USP12: variants seen among roughly 807,000 people sequenced by gnomAD.
USP12 encodes ubiquitin carboxyl-terminal hydrolase 12.
In USP12, 19 loss-of-function variants were observed where a neutral mutation model predicts 45.5. The observed-to-expected ratio is 0.42, with a 90% CI of 0.29 to 0.61. The LOEUF is 0.61. Among genes scored for constraint, USP12 ranks in the 20% least tolerant of loss-of-function variants. USP12 has a pLI of 0.22. For synonymous variants in USP12, 149 were observed against 148.8 expected (o/e 1.00, Z -0.01); for missense variants, 242 against 447.7 (o/e 0.54, Z 4.15).
intron 1 of USP12, among the ~76,000 whole-genome samples, chr13:27,153,237 G>T (rs1021643477): frequency 1.4e-4 from 21 of 152,054 alleles, no homozygotes; most frequent in African/African-American, 4.8e-4. Flanking sequence ...GGAGGCTGAG[G>T]CAGAGGTTGC....
At chr13:27,118,785 T>C (rs1459881941) in intron 1 of USP12, among the ~76,000 whole-genome samples, 1 of 152,240 alleles carries the variant, frequency 6.6e-6, no homozygotes, top group African/African-American at 2.4e-5. Context: ...TTCTGGCCTT[T>C]AAGACACACT....
At position 27,116,925 on chromosome 13, in the gene USP12, T is replaced by C. The variant is rs184981303; in HGVS notation, c.49-329A>G. Among the ~76,000 whole-genome samples, 8 of 152,312 alleles carry C rather than the reference T, an allele frequency of 5.3e-5. No individual in the cohort carries two copies. The South Asian group carries it at 1.0e-3, about 20-fold the overall frequency. Reference sequence around the variant, plus strand: ...CACCTAGGTTTATGTAAGAACGCTCTGATGTTCGCATGCACAATGACGAAA... The same window carrying C: ...CACCTAGGTTTATGTAAGAACGCTCCGATGTTCGCATGCACAATGACGAAA... On this transcript the variant is annotated intron_variant, in intron 1 of 8. Transcript: ENST00000282344.
chr13:27,171,048 C>T (rs1227218830), intron 1 of USP12, among the ~76,000 whole-genome samples: 1 of 152,206 alleles, frequency 6.6e-6, no homozygotes, highest in African/African-American at 2.4e-5. Context: ...GGAATGAGCG[C>T]TGCCCGCCCC....
intron 1 of USP12, among the ~76,000 whole-genome samples, chr13:27,144,674 G>A (rs1177225271): frequency 6.6e-6 from 1 of 151,030 alleles, no homozygotes; most frequent in Non-Finnish European, 1.5e-5. Flanking sequence ...AAACCTAGAT[G>A]GAATGACTGT....
At chr13:27,130,063 A>G (rs1183176670) in intron 1 of USP12, among the ~76,000 whole-genome samples, 1 of 152,238 alleles carries the variant, frequency 6.6e-6, no homozygotes, top group Admixed American at 6.5e-5. Flanking sequence ...AGAGCACAGC[A>G]TGCAAACCAG....
In USP12 at chr13:27,134,462, G is replaced by C. The variant is rs966773396; in HGVS notation, c.49-17866C>G. Among the ~76,000 whole-genome samples the C allele has an allele frequency of 3.3e-5, 5 of 152,220 alleles. No homozygotes were observed. The East Asian group carries it at 5.8e-4, about 18-fold the overall frequency. Reference sequence around the variant, plus strand: ...GTTTCAAGGTAAGAAAACATACTTTGCCATGCCCACATAAAAGGTAAGCTG... The same window carrying C: ...GTTTCAAGGTAAGAAAACATACTTTCCCATGCCCACATAAAAGGTAAGCTG... On this transcript the variant is annotated intron_variant, in intron 1 of 8. Coordinates refer to ENST00000282344, the MANE Select transcript of USP12 (RefSeq NM_182488.4).
At chr13:27,069,755 C>A (rs958035336) in intron 8 of USP12, among the ~76,000 whole-genome samples, 5 of 152,204 alleles carry the variant, frequency 3.3e-5, no homozygotes, top group Non-Finnish European at 7.3e-5. Flanking sequence ...CGAGACCAGC[C>A]TGACCAACGT....
chr13:27,137,311 T>C (rs1157665495), intron 1 of USP12, among the ~76,000 whole-genome samples: 1 of 152,180 alleles, frequency 6.6e-6, no homozygotes, highest in Non-Finnish European at 1.5e-5. Context: ...TGATTATACA[T>C]GATAGATGTC....
intron 6 of USP12, among the ~76,000 whole-genome samples, chr13:27,076,828 A>G (rs562276805): frequency 2.2e-4 from 34 of 152,316 alleles, no homozygotes; most frequent in South Asian, 8.3e-4. Flanking sequence ...TTATTCCTAA[A>G]TTACTTACTA....
At chr13:27,114,914 G>A (rs1374718282) in intron 2 of USP12, among the ~76,000 whole-genome samples, 1 of 152,178 alleles carries the variant, frequency 6.6e-6, no homozygotes. Context: ...GAGCCCAGGA[G>A]GTGAAGGCTG....
intron 2 of USP12, among the ~76,000 whole-genome samples, chr13:27,111,203 C>T (rs886300613): frequency 2.0e-5 from 3 of 152,156 alleles, no homozygotes; most frequent in Non-Finnish European, 4.4e-5. Flanking sequence ...ACTCTTTCTC[C>T]AGAATAAGCT....
intron 1 of USP12, among the ~76,000 whole-genome samples, chr13:27,153,759 A>G (rs1322722554): frequency 6.6e-6 from 1 of 152,054 alleles, no homozygotes; most frequent in Non-Finnish European, 1.5e-5. Flanking sequence ...TTCACCTAGC[A>G]TAGCCCATAC....
chr13:27,165,109 A>G (rs1211724245), intron 1 of USP12, among the ~76,000 whole-genome samples: 1 of 151,256 alleles, frequency 6.6e-6, no homozygotes, highest in Non-Finnish European at 1.5e-5. Context: ...TTCTAAAAGT[A>G]TTAGATTGTT....
chr13:27,151,262 T>A, intron 1 of USP12, among the ~76,000 whole-genome samples: 1 of 151,148 alleles, frequency 6.6e-6, no homozygotes, highest in African/African-American at 2.4e-5. Flanking sequence ...ACACGGGAGG[T>A]GGAGGTTGCC....
intron 6 of USP12, among the ~76,000 whole-genome samples, chr13:27,079,316 C>A (rs1873643000): frequency 1.3e-5 from 2 of 152,092 alleles, no homozygotes; most frequent in African/African-American, 4.8e-5. Flanking sequence ...CAGAGAACCC[C>A]AGAGTCTAAA....
rs1266953125 is a variant in USP12 at position 27,171,691 on chromosome 13, G to A, written c.-52C>T. 14 of 1,168,900 alleles carry A rather than the reference G, an allele frequency of 1.2e-5. No homozygotes were observed. The highest frequency in any genetic ancestry group is 1.7e-5 in the African/African-American group (1 of 60,412). The allele number at this position is 1,168,900 out of a possible 1,614,324, so 72.4% of individuals were successfully genotyped here. ...CACAGCGGCGGCGGCGGGCGGGGGA[G>A]GAGGGGAGCCGGGCCGCCCGCTCGC... On this transcript the variant is annotated 5_prime_UTR_variant, in exon 1 of 9. Coordinates refer to ENST00000282344, the MANE Select transcript of USP12 (RefSeq NM_182488.4).
intron 4 of USP12, among the ~76,000 whole-genome samples, chr13:27,093,500 G>A (rs891542751): frequency 2.0e-5 from 3 of 152,160 alleles, no homozygotes; most frequent in Non-Finnish European, 4.4e-5. Flanking sequence ...TATTAGAATG[G>A]CCAAAATCCA....
intron 1 of USP12, among the ~76,000 whole-genome samples, chr13:27,164,504 G>C (rs1349648130): frequency 6.6e-6 from 1 of 152,206 alleles, no homozygotes; most frequent in Non-Finnish European, 1.5e-5. Context: ...ACCTCACACA[G>C]TGGTGCTCTA....
At chr13:27,146,206 A>T (rs1250163234) in intron 1 of USP12, among the ~76,000 whole-genome samples, 1 of 152,218 alleles carries the variant, frequency 6.6e-6, no homozygotes, top group African/African-American at 2.4e-5. Flanking sequence ...GTTCGAGACC[A>T]GCCCAGCCAA....
Sources: allele counts gnomAD v4.1 joint callset (sites outside exome capture counted in the v4.1 genomes callset), GRCh38; gene constraint gnomAD v4.1.1; transcripts MANE v1.5; gene names NCBI Gene and HGNC (gene_info 2026-07-23, HGNC 2026-07-21).